ESF1: variants seen among roughly 807,000 people sequenced by gnomAD.
The protein encoded by ESF1 is ESF1 nucleolar pre-rRNA processing protein.
ESF1 carries 58 observed loss-of-function variants against 92.0 expected under a neutral mutation model. The ratio of observed to expected loss-of-function variants is 0.63; its 90% CI spans 0.51 to 0.78. ESF1 has a LOEUF of 0.78. Among genes scored for constraint, ESF1 ranks in the 30% least tolerant of loss-of-function variants. ESF1 has a pLI of 0.00. For synonymous variants in ESF1, 321 were observed against 313.7 expected (o/e 1.02, Z -0.24); for missense variants, 922 against 989.1 (o/e 0.93, Z 0.91).
At chr20:13,757,118 GATA>G (rs138742598) in intron 9 of ESF1, among the ~76,000 whole-genome samples, 3,530 of 152,092 alleles carry the variant, frequency 0.023, 62 homozygotes, top group Non-Finnish European at 0.032. Context: ...AATTACAGAT[GATA>G]ATCTTTCATT....
At chr20:13,723,916 C>T (rs2049884424) in intron 11 of ESF1, among the ~76,000 whole-genome samples, 1 of 152,170 alleles carries the variant, frequency 6.6e-6, no homozygotes. Flanking sequence ...ATTATTTTGA[C>T]AAACTAATAA....
At chr20:13,775,814 C>G in intron 3 of ESF1, 59 bp downstream of exon 3, 1 of 1,524,176 alleles carries the variant, frequency 6.6e-7, no homozygotes, top group Non-Finnish European at 8.8e-7. Flanking sequence ...GTTCTACCAG[C>G]CATAAAAGCT....
At chr20:13,738,062 G>T (rs2049987010) in intron 9 of ESF1, among the ~76,000 whole-genome samples, 1 of 152,162 alleles carries the variant, frequency 6.6e-6, no homozygotes, top group Non-Finnish European at 1.5e-5. Flanking sequence ...GTAGGGAGAA[G>T]GAAGGACACA....
At chr20:13,725,507 A>C (rs1412386703) in intron 11 of ESF1, among the ~76,000 whole-genome samples, 1 of 152,134 alleles carries the variant, frequency 6.6e-6, no homozygotes, top group Non-Finnish European at 1.5e-5. Context: ...ACTTTAACCC[A>C]CACTAATCTA....
intron 8 of ESF1, among the ~76,000 whole-genome samples, chr20:13,763,776 T>C (rs2147766293): frequency 6.6e-6 from 1 of 152,298 alleles, no homozygotes; most frequent in South Asian, 2.1e-4. Context: ...TTTAAAAAAA[T>C]GTGAGGCCCT....
intron 10 of ESF1, among the ~76,000 whole-genome samples, chr20:13,730,180 C>T (rs1024807092): frequency 6.6e-6 from 1 of 151,986 alleles, no homozygotes; most frequent in Non-Finnish European, 1.5e-5. Flanking sequence ...TCAAGCGATT[C>T]GCCTACCTCA....
At chr20:13,741,981 G>A (rs1206186226) in intron 9 of ESF1, among the ~76,000 whole-genome samples, 3 of 152,092 alleles carry the variant, frequency 2.0e-5, no homozygotes, top group African/African-American at 7.2e-5. Flanking sequence ...TCACAGAGAA[G>A]GAAACACATG....
chr20:13,782,538 G>A lies in ESF1; in HGVS notation c.603C>T (p.Ile201=). The A allele has an allele frequency of 1.3e-6, 2 of 1,555,616 alleles. No individual in the cohort carries two copies. Among genetic ancestry groups the A allele is most frequent in the Non-Finnish European group, 1.7e-6 (2 of 1,161,666 alleles). ...TTTCTCTTCTTGTCTTAGAACACTC[G>A]ATTCTGGGAGATTTCACAATTTCAG... ...GTSEIVKSPR[I]ECSKTRREMQ... The change falls in exon 2 of 14, where the codon ATC becomes ATT. Residue 201 remains isoleucine (I), a synonymous_variant. Coordinates refer to ENST00000617257, the MANE Select transcript of ESF1 (RefSeq NM_001276380.2).
At chr20:13,766,095 C>A (rs1400584347) in intron 8 of ESF1, among the ~76,000 whole-genome samples, 1 of 151,994 alleles carries the variant, frequency 6.6e-6, no homozygotes, top group African/African-American at 2.4e-5. Context: ...ATCCAGAATG[C>A]AGTACAGAGA....
Position 13,718,894 on chromosome 20 carries a change from T to C in ESF1, c.2115+14A>G. 6.3e-7 allele frequency: 1 copy of C among 1,583,634 alleles called. No individual in the cohort carries two copies. The highest frequency in any genetic ancestry group is 1.8e-4 in the Middle Eastern group (1 of 5,702). On this transcript the variant is annotated intron_variant, in intron 12 of 13. Transcript: ENST00000617257. ...GAATTATCCACTAAGCATGTAACAATAATCGTATTTTACCTTTTGTCTTTC... is the reference window on the plus strand; with the variant it reads ...GAATTATCCACTAAGCATGTAACAACAATCGTATTTTACCTTTTGTCTTTC...
intron 9 of ESF1, among the ~76,000 whole-genome samples, chr20:13,747,579 C>T (rs752640621): frequency 1.1e-4 from 16 of 142,176 alleles, no homozygotes; most frequent in Non-Finnish European, 1.8e-4. Flanking sequence ...GCCGACAGAG[C>T]GAGACTCAGT....
In ESF1 at chr20:13,718,923, T is replaced by C; in HGVS notation, c.2100A>G (p.Glu700=). The C allele has an allele frequency of 6.2e-7, 1 of 1,603,290 alleles. No homozygotes were observed. Among genetic ancestry groups the C allele is most frequent in the South Asian group, 1.1e-5 (1 of 89,274 alleles). The part of the protein sequence containing the change: ...KDGTSPEEEI[E]IERQKAEMAL... ...CGTATTTTACCTTTTGTCTTTCTAT[T>C]TCAATTTCTTCTTCTGGAGATGTGC... Residue 700 remains glutamate (E), a synonymous_variant, in exon 12 of 14, where the codon GAA becomes GAG. Coordinates refer to ENST00000617257, the MANE Select transcript of ESF1 (RefSeq NM_001276380.2).
intron 8 of ESF1, among the ~76,000 whole-genome samples, chr20:13,760,288 G>A (rs542148126): frequency 2.7e-5 from 4 of 150,860 alleles, no homozygotes; most frequent in Admixed American, 1.3e-4. Flanking sequence ...CTGCCCGGCC[G>A]TCATCCTATC....
intron 8 of ESF1, among the ~76,000 whole-genome samples, chr20:13,764,967 A>G (rs969188144): frequency 6.6e-6 from 1 of 152,168 alleles, no homozygotes; most frequent in Non-Finnish European, 1.5e-5. Flanking sequence ...TCACGCCTAT[A>G]ATCCCAGCAC....
intron 11 of ESF1, among the ~76,000 whole-genome samples, chr20:13,719,419 G>A (rs1405671343): frequency 6.6e-6 from 1 of 151,998 alleles, no homozygotes; most frequent in African/African-American, 2.4e-5. Context: ...TAGATTCCAT[G>A]TACTAGTGAC....
At chr20:13,741,924 C>T (rs1203496821) in intron 9 of ESF1, among the ~76,000 whole-genome samples, 3 of 152,080 alleles carry the variant, frequency 2.0e-5, no homozygotes, top group Admixed American at 1.3e-4. Flanking sequence ...ACAGGAAAAG[C>T]ACAAACAGTA....
At position 13,769,964 on chromosome 20, in the gene ESF1, C is replaced by T; in HGVS notation, c.1461G>A (p.Val487=). Residue 487 remains valine, a synonymous_variant, in exon 7 of 14, where the codon GTG becomes GTA. Transcript: ENST00000617257. The stretch of plus-strand genomic sequence containing the variant: ...ATTTTGGTTTATATGCTGTTAAATT[C>T]ACTTCTGAGGCTACATCCTTAGGCT... ...DDEPKDVASE[V]NLTAYKPKYF... The T allele has an allele frequency of 6.2e-7, 1 of 1,612,408 alleles. No homozygotes were observed. Among genetic ancestry groups the T allele is most frequent in the South Asian group, 1.1e-5 (1 of 90,874 alleles).
chr20:13,775,891 A>G lies in ESF1; in HGVS notation c.1017T>C (p.Asp339=). ...FEHAWRELDK[D]APRADEITRR... ...AGGTTACCTCATCAGCACGAGGAGC[A>G]TCTTTATCTAATTCTCTCCAAGCAT... The change falls in exon 3 of 14, where the codon GAT becomes GAC. Residue 339 remains aspartate (D), a synonymous_variant. Coordinates refer to ENST00000617257, the MANE Select transcript of ESF1 (RefSeq NM_001276380.2). 1.2e-6 allele frequency: 2 copies of G among 1,607,666 alleles called. No homozygotes were observed. The highest frequency in any genetic ancestry group is 1.7e-6 in the Non-Finnish European group (2 of 1,177,044).
At chr20:13,759,557 A>G in intron 9 of ESF1, 135 bp downstream of exon 9, 1 of 1,181,504 alleles carries the variant, frequency 8.5e-7, no homozygotes, top group South Asian at 1.8e-5. Context: ...AATGCTAGTC[A>G]TTAAGTTAGT....
Sources: gnomAD v4.1 joint callset for allele counts (sites outside exome capture counted in the v4.1 genomes callset) on GRCh38, gnomAD v4.1.1 for gene constraint, MANE v1.5 for transcripts, NCBI Gene and HGNC (gene_info 2026-07-23, HGNC 2026-07-21) for gene names.